Variants in PACSIN1 observed in about 807,000 individuals in gnomAD.
PACSIN1 encodes protein kinase C and casein kinase substrate in neurons 1, also known as protein kinase C and casein kinase substrate in neurons protein 1.
PACSIN1 carries 15 observed loss-of-function variants against 59.5 expected under a neutral mutation model. The ratio of observed to expected loss-of-function variants is 0.25; its 90% CI spans 0.17 to 0.39. The LOEUF (loss-of-function observed/expected upper bound fraction) is 0.39. Among genes scored for constraint, PACSIN1 ranks in the 10% least tolerant of loss-of-function variants. The pLI is 1.00. For synonymous variants in PACSIN1, 210 were observed against 220.6 expected (o/e 0.95, Z 0.42); for missense variants, 420 against 580.2 (o/e 0.72, Z 2.84).
chr6:34,497,017 C>T (rs1212657352), intron 1 of PACSIN1, among the ~76,000 whole-genome samples: 2 of 135,648 alleles, frequency 1.5e-5, no homozygotes, highest in Non-Finnish European at 3.0e-5. Context: ...GGTGCAATCT[C>T]GGCTCACTGC....
chr6:34,528,829 A>G lies in PACSIN1; in HGVS notation c.408A>G (p.Glu136=). The G allele has an allele frequency of 1.4e-6, 2 of 1,443,880 alleles. No individual in the cohort carries two copies. Among genetic ancestry groups the G allele is most frequent in the Non-Finnish European group, 1.9e-6 (2 of 1,071,454 alleles). The allele number at this position is 1,443,880 out of a possible 1,614,324, so 89.4% of individuals were successfully genotyped here. Residue 136 remains glutamate (E), a synonymous_variant, in exon 4 of 10, where the codon GAA becomes GAG. Coordinates refer to ENST00000244458, the MANE Select transcript of PACSIN1 (RefSeq NM_020804.5). ...MGGFKETKEA[E]DGFRKAQKPW... ...GCTTCAAGGAGACGAAGGAGGCTGA[A>G]GATGGCTTCCGCAAGGCCCAGAAGC...
chr6:34,512,343 C>A (rs1013960776), intron 1 of PACSIN1, among the ~76,000 whole-genome samples: 2 of 71,858 alleles, frequency 2.8e-5, no homozygotes, highest in Non-Finnish European at 5.1e-5. Context: ...GGGGCTGGAT[C>A]AGGCTGACGG....
intron 1 of PACSIN1, among the ~76,000 whole-genome samples, chr6:34,490,750 CCA>C (rs1431201892): frequency 6.6e-6 from 1 of 152,140 alleles, no homozygotes; most frequent in Non-Finnish European, 1.5e-5. Context: ...GGGTTTCTGG[CCA>C]GACATGGCGG....
At chr6:34,481,418 C>T (rs55692729) in intron 1 of PACSIN1, among the ~76,000 whole-genome samples, 1 of 152,180 alleles carries the variant, frequency 6.6e-6, no homozygotes, top group South Asian at 2.1e-4. Context: ...TGCGGTGGCT[C>T]ACGCCTGTAA....
In PACSIN1 at chr6:34,528,721, G is replaced by A. The variant is rs201050007; in HGVS notation, c.300G>A (p.Glu100=). 125 of 1,614,092 alleles carry A rather than the reference G, an allele frequency of 7.7e-5. No individual in the cohort carries two copies. In the East Asian group the frequency reaches 2.6e-3, roughly 34 times the overall value. ...EADKVSELHQ[E]VKNNLLNEDL... is the part of the protein sequence containing the mutation. ...ACAAGGTGAGCGAGCTGCACCAGGA[G>A]GTGAAGAACAATCTGCTGAATGAGG... Residue 100 remains glutamate, a synonymous_variant, in exon 4 of 10, where the codon GAG becomes GAA. Coordinates refer to ENST00000244458, the MANE Select transcript of PACSIN1 (RefSeq NM_020804.5).
intron 1 of PACSIN1, among the ~76,000 whole-genome samples, chr6:34,496,969 A>T (rs1766957220): frequency 1.8e-5 from 2 of 111,916 alleles, no homozygotes. Flanking sequence ...TTTGAGACAG[A>T]GTCTCATCTT....
intron 1 of PACSIN1, among the ~76,000 whole-genome samples, chr6:34,476,936 T>C (rs944132391): frequency 2.6e-5 from 4 of 152,306 alleles, no homozygotes; most frequent in South Asian, 4.1e-4. Context: ...GTAATGGGCA[T>C]CTATGAGGCA....
chr6:34,528,710 C>G lies in PACSIN1; in HGVS notation c.289C>G (p.Leu97Val). ...IMTEADKVSE[L>V]HQEVKNNLLN... ...GACAGAGGCAGACAAGGTGAGCGAG[C>G]TGCACCAGGAGGTGAAGAACAATCT... Residue 97 changes from leucine (L) to valine (V), a missense_variant, in exon 4 of 10, where the codon CTG becomes GTG. By Grantham distance (32) the Leu-to-Val change is conservative (BLOSUM62 1). Transcript: ENST00000244458. 1 of 1,614,094 alleles carries G rather than the reference C, an allele frequency of 6.2e-7. No individual in the cohort carries two copies. The highest frequency in any genetic ancestry group is 8.5e-7 in the Non-Finnish European group (1 of 1,180,024).
At position 34,525,174 on chromosome 6, in the gene PACSIN1, C is replaced by T. The variant is rs891492448; in HGVS notation, c.-63-1069C>T. Among the ~76,000 whole-genome samples, 1 of 152,242 alleles carries T rather than the reference C, an allele frequency of 6.6e-6. No individual in the cohort carries two copies. Among genetic ancestry groups the T allele is most frequent in the African/African-American group, 2.4e-5 (1 of 41,456 alleles). ...CCGTCCTCCCTCTCACCCACCCGCA[C>T]TGTGCGTGAGTTTATGGGAAAGTCT... On this transcript the variant is annotated intron_variant, in intron 1 of 9. Transcript: ENST00000244458. The surrounding 1 kb of genome is among the most constrained non-coding windows in gnomAD (Gnocchi z 4.9).
intron 1 of PACSIN1, among the ~76,000 whole-genome samples, chr6:34,471,940 A>AG (rs1184980259): frequency 6.6e-6 from 1 of 152,188 alleles, no homozygotes; most frequent in African/African-American, 2.4e-5. Context: ...GCACCACTTT[A>AG]GGTGCTTGGG....
chr6:34,529,724 T>A lies in PACSIN1; in HGVS notation c.671T>A (p.Met224Lys). The A allele has an allele frequency of 1.2e-6, 2 of 1,614,064 alleles. No individual in the cohort carries two copies. Among genetic ancestry groups the A allele is most frequent in the Non-Finnish European group, 1.7e-6 (2 of 1,179,992 alleles). ...EDVGKTTPQYMENMEQVFEQC... is the reference protein window; with the variant it reads ...EDVGKTTPQYKENMEQVFEQC... ...GTGGGCAAGACCACACCCCAGTACATGGAGAACATGGAGCAGGTGTTTGAG... is the reference window on the plus strand; with the variant it reads ...GTGGGCAAGACCACACCCCAGTACAAGGAGAACATGGAGCAGGTGTTTGAG... Residue 224 changes from methionine to lysine, a missense_variant, in exon 6 of 10, where the codon ATG becomes AAG. Physicochemically the swap from Met to Lys is moderately conservative, Grantham distance 95. Coordinates refer to ENST00000244458, the MANE Select transcript of PACSIN1 (RefSeq NM_020804.5). The surrounding 1 kb of genome is among the most constrained non-coding windows in gnomAD (Gnocchi z 6.3).
At chr6:34,510,854 A>G (rs562182511) in intron 1 of PACSIN1, among the ~76,000 whole-genome samples, 1 of 152,328 alleles carries the variant, frequency 6.6e-6, no homozygotes, top group Admixed American at 6.5e-5. Context: ...CTGGGACTAC[A>G]GGCACATGCC....
At chr6:34,467,553 CTTTTTTTTT>C (rs61324041) in intron 1 of PACSIN1, among the ~76,000 whole-genome samples, 8 of 90,794 alleles carry the variant, frequency 8.8e-5, no homozygotes, top group African/African-American at 1.3e-4. Context: ...TAGGCCCTTC[CTTTTTTTTT>C]TTTTTTTTTT....
rs1006923807 is a variant in PACSIN1, at chr6:34,531,829, C to T, written c.1225+42C>T. 4.0e-6 allele frequency: 6 copies of T among 1,514,562 alleles called. No individual in the cohort carries two copies. In the East Asian group the frequency reaches 1.2e-4, roughly 29 times the overall value. 93.8% of individuals were successfully genotyped at this position (1,514,562 alleles called of 1,614,324 possible). The stretch of plus-strand genomic sequence containing the variant: ...GGGCAGTGCCTGAGAGAGGCTTGGG[C>T]CTGGATTGGGTGTGTGGTGGTGCAG... On this transcript the variant is annotated intron_variant, in intron 9 of 9. Transcript: ENST00000244458. The surrounding 1 kb of genome is among the most constrained non-coding windows in gnomAD (Gnocchi z 4.4).
At chr6:34,498,924 G>T (rs545339022) in intron 1 of PACSIN1, among the ~76,000 whole-genome samples, 4 of 151,866 alleles carry the variant, frequency 2.6e-5, no homozygotes, top group Non-Finnish European at 4.4e-5. Flanking sequence ...GACTGGTTTC[G>T]TGGAAGACAG....
chr6:34,486,262 T>C (rs1766792456), intron 1 of PACSIN1, among the ~76,000 whole-genome samples: 1 of 152,148 alleles, frequency 6.6e-6, no homozygotes, highest in Non-Finnish European at 1.5e-5. Context: ...GCCTCCCTTT[T>C]TCTCAGAGCA....
rs369909369 is a variant in PACSIN1 at position 34,490,775 on chromosome 6, GC to G, written c.-64+24511del. On this transcript the variant is annotated intron_variant, in intron 1 of 9. Transcript: ENST00000244458. Reference sequence around the variant, plus strand: ...CCAGACATGGCGGAAACCCAAGCATGCCCCCCTTCTCCAGGCCTTTGGATCC... The same window carrying G: ...CCAGACATGGCGGAAACCCAAGCATGCCCCCTTCTCCAGGCCTTTGGATCC... Among the ~76,000 whole-genome samples the G allele has an allele frequency of 4.9e-3, 746 of 152,270 alleles. 5 individuals are homozygous for G. The highest frequency in any genetic ancestry group is 0.016 in the African/African-American group (685 of 41,552).
At chr6:34,480,424 C>T (rs1265204275) in intron 1 of PACSIN1, among the ~76,000 whole-genome samples, 1 of 151,756 alleles carries the variant, frequency 6.6e-6, no homozygotes, top group Non-Finnish European at 1.5e-5. Context: ...GGGGCGCTCC[C>T]TATTTTGCCC....
At chr6:34,526,672 C>T (rs947136468) in intron 2 of PACSIN1, among the ~76,000 whole-genome samples, 3 of 152,248 alleles carry the variant, frequency 2.0e-5, no homozygotes, top group African/African-American at 7.2e-5. Context: ...CAGCCTTTCT[C>T]AGCTGTTCCT....
Sources: gnomAD v4.1 joint callset for allele counts (sites outside exome capture counted in the v4.1 genomes callset) on GRCh38, gnomAD v4.1.1 for gene constraint, Gnocchi (gnomAD v3.1) non-coding constraint, MANE v1.5 for transcripts, NCBI Gene and HGNC (gene_info 2026-07-23, HGNC 2026-07-21) for gene names.